SV2C: variants seen among roughly 807,000 people sequenced by gnomAD.
SV2C encodes the protein synaptic vesicle glycoprotein 2C.
In SV2C, 49 loss-of-function variants were observed where a neutral mutation model predicts 79.7. The observed-to-expected ratio is 0.61, with a 90% CI of 0.49 to 0.78. The LOEUF (loss-of-function observed/expected upper bound fraction) is 0.78, where lower values mean the gene tolerates loss of function less well. Among genes scored for constraint, SV2C ranks in the 30% least tolerant of loss-of-function variants. The pLI, the probability that SV2C is intolerant of heterozygous loss-of-function variation, is 0.00. For missense variants in SV2C, 833 were observed against 912.9 expected (o/e 0.91, Z 1.13); for synonymous variants, 334 against 333.2 (o/e 1.00, Z -0.03).
chr5:76,021,800 G>C, the SV2C span, among the ~76,000 whole-genome samples: 1 of 151,896 alleles, frequency 6.6e-6, no homozygotes, highest in Non-Finnish European at 1.5e-5. Flanking sequence ...GAGGTTTTTT[G>C]TTTCATAATT....
At chr5:75,915,984 TAGTATAG>T in the SV2C span, among the ~76,000 whole-genome samples, 1 of 151,986 alleles carries the variant, frequency 6.6e-6, no homozygotes. Flanking sequence ...GAGAGACAGG[TAGTATAG>T]AGCTAGCTCA....
chr5:76,242,213 A>G, intron 4 of SV2C: 1 of 972,806 alleles, frequency 1.0e-6, no homozygotes, highest in South Asian at 1.3e-5. Context: ...TTTAGCAGAC[A>G]ACCTCGCGGA....
intron 1 of SV2C, among the ~76,000 whole-genome samples, chr5:76,119,759 G>A (rs1033507303): frequency 2.2e-4 from 34 of 152,124 alleles, no homozygotes; most frequent in African/African-American, 7.7e-4. Flanking sequence ...GCCTTATGGG[G>A]AAGCTCCACA....
chr5:76,277,652 G>C (rs939312260), intron 4 of SV2C, among the ~76,000 whole-genome samples: 1 of 151,978 alleles, frequency 6.6e-6, no homozygotes, highest in African/African-American at 2.4e-5. Flanking sequence ...CGTGGTCCCA[G>C]CCATTTGGGA....
chr5:75,934,028 G>T, the SV2C span, among the ~76,000 whole-genome samples: 1 of 152,134 alleles, frequency 6.6e-6, no homozygotes, highest in Non-Finnish European at 1.5e-5. Flanking sequence ...ACTTTATAAG[G>T]ATTATCACAT....
intron 1 of SV2C, among the ~76,000 whole-genome samples, chr5:76,096,190 G>A (rs1275439239): frequency 1.3e-5 from 2 of 152,042 alleles, no homozygotes; most frequent in African/African-American, 4.8e-5. Flanking sequence ...TGTTTATATT[G>A]CACTGGTTAA....
chr5:75,910,899 AT>A, the SV2C span: 1 of 978,148 alleles, frequency 1.0e-6, no homozygotes, highest in Non-Finnish European at 1.7e-6. Flanking sequence ...CAGAAGCAAC[AT>A]TCCAACAAAG....
the SV2C span, among the ~76,000 whole-genome samples, chr5:76,062,067 G>A: frequency 1.4e-4 from 21 of 151,832 alleles, no homozygotes; most frequent in African/African-American, 5.1e-4. Flanking sequence ...CCCCTAAAAC[G>A]TTTATTAAAC....
intron 2 of SV2C, among the ~76,000 whole-genome samples, chr5:76,158,748 A>C (rs1742814317): frequency 6.6e-6 from 1 of 152,072 alleles, no homozygotes; most frequent in Non-Finnish European, 1.5e-5. Context: ...AATTCTTTAC[A>C]AATTCTTCAA....
At chr5:76,258,856 T>C (rs1234208172) in intron 4 of SV2C, among the ~76,000 whole-genome samples, 9 of 152,214 alleles carry the variant, frequency 5.9e-5, no homozygotes, top group Admixed American at 5.2e-4. Flanking sequence ...GTTTAATTTT[T>C]GTCACTGAAG....
At chr5:76,048,303 G>C in the SV2C span, among the ~76,000 whole-genome samples, 1 of 152,154 alleles carries the variant, frequency 6.6e-6, no homozygotes. Context: ...ACCGATGTCC[G>C]AGGGCAAGAG....
At chr5:76,300,651 G>A (rs1441397141) in intron 10 of SV2C, 78 bp from the exon 11 acceptor site, 10 of 1,471,874 alleles carry the variant, frequency 6.8e-6, no homozygotes, top group Middle Eastern at 2.0e-4. Flanking sequence ...TTTCCTCTCC[G>A]AATCCTCCAT....
chr5:76,141,426 G>A (rs1749246099), intron 2 of SV2C, among the ~76,000 whole-genome samples: 1 of 152,106 alleles, frequency 6.6e-6, no homozygotes, highest in East Asian at 1.9e-4. Context: ...GAGAGCACTG[G>A]CCTTACATAC....
intron 1 of SV2C, among the ~76,000 whole-genome samples, chr5:76,114,554 C>T (rs1229912564): frequency 6.6e-6 from 1 of 152,232 alleles, no homozygotes; most frequent in Non-Finnish European, 1.5e-5. Context: ...CTTGATCAAT[C>T]TGGCTATGCT....
At chr5:76,127,784 G>GCA (rs1748758352) in intron 1 of SV2C, among the ~76,000 whole-genome samples, 1 of 152,154 alleles carries the variant, frequency 6.6e-6, no homozygotes, top group South Asian at 2.1e-4. Flanking sequence ...CCAACAGTTG[G>GCA]CATGGGGTTA....
chr5:75,910,450 A>G, the SV2C span: 5 of 600,018 alleles, frequency 8.3e-6, no homozygotes, highest in Admixed American at 2.0e-5. Context: ...GCATCACTTC[A>G]GCTGCACTAA....
At chr5:76,103,195 A>G (rs999151787) in intron 1 of SV2C, among the ~76,000 whole-genome samples, 7 of 152,178 alleles carry the variant, frequency 4.6e-5, no homozygotes, top group Admixed American at 6.6e-5. Flanking sequence ...ATTATTTACC[A>G]GTATGTATTT....
the SV2C span, chr5:75,920,558 T>A: frequency 1.0e-3 from 485 of 477,746 alleles, 2 homozygotes; most frequent in African/African-American, 8.3e-3. Flanking sequence ...TAAGAAGCCA[T>A]GGCTGGCTGG....
chr5:76,173,514 C>A lies in SV2C; in HGVS notation c.581-21405C>A, dbSNP rs1057293269. 5 of 1,045,652 alleles carry A rather than the reference C, an allele frequency of 4.8e-6. No individual in the cohort carries two copies. In the African/African-American group the frequency reaches 7.8e-5, roughly 16 times the overall value. 64.8% of individuals were successfully genotyped at this position (1,045,652 alleles called of 1,614,324 possible). A position where few individuals can be genotyped will look rare whatever the true frequency, so the allele number is the denominator to read the frequency against. On this transcript the variant is annotated intron_variant, in intron 2 of 12. Coordinates refer to ENST00000502798, the MANE Select transcript of SV2C (RefSeq NM_014979.4). Reference sequence around the variant, plus strand: ...TTCATCCGCCTCTTAAAGGGTACCACCACAGGAAAGTCCATTTAAGATGTT... The same window carrying A: ...TTCATCCGCCTCTTAAAGGGTACCAACACAGGAAAGTCCATTTAAGATGTT...
Sources: gnomAD v4.1 joint callset for allele counts (sites outside exome capture counted in the v4.1 genomes callset) on GRCh38, gnomAD v4.1.1 for gene constraint, MANE v1.5 for transcripts, NCBI Gene and HGNC (gene_info 2026-07-23, HGNC 2026-07-21) for gene names.